KDR: variants seen among roughly 807,000 people sequenced by gnomAD.
KDR encodes the protein vascular endothelial growth factor receptor 2.
KDR carries 43 observed loss-of-function variants against 160.9 expected under a neutral mutation model. The observed-to-expected ratio is 0.27, with a 90% CI of 0.21 to 0.34. KDR has a LOEUF of 0.34. Among genes scored for constraint, KDR ranks in the 10% least tolerant of loss-of-function variants. The pLI, the probability that KDR is intolerant of heterozygous loss-of-function variation, is 1.00. For missense variants in KDR, 1,469 were observed against 1,666.4 expected, an observed-to-expected ratio of 0.88 and a Z score of 2.06; for synonymous variants, 617 against 600.1, an observed-to-expected ratio of 1.03 and a Z score of -0.41.
rs777182648 is a variant in KDR, at chr4:55,098,288, C to G, written c.2374-16G>C. On this transcript the variant is annotated splice_polypyrimidine_tract_variant and intron_variant, in intron 16 of 29. Transcript: ENST00000263923. ...CTCCATTGGCCTGGAAAGCATCAAT[C>G]CTTCCAGTCATAAACACACTGTTGT... 1.2e-6 allele frequency: 2 copies of G among 1,613,576 alleles called. No homozygotes were observed. The highest frequency in any genetic ancestry group is 1.7e-4 in the Middle Eastern group (1 of 6,054).
intron 1 of KDR, among the ~76,000 whole-genome samples, chr4:55,124,021 A>G (rs1720963971): frequency 6.6e-6 from 1 of 152,230 alleles, no homozygotes; most frequent in Non-Finnish European, 1.5e-5. Context: ...TTCTCTGCCC[A>G]GAAAGGGGGA....
chr4:55,080,579 C>G (rs531844439), intron 29 of KDR, among the ~76,000 whole-genome samples: 8 of 152,168 alleles, frequency 5.3e-5, no homozygotes, highest in Non-Finnish European at 8.8e-5. Context: ...CCTATTGTGG[C>G]AATTTGGGAA....
intron 3 of KDR, among the ~76,000 whole-genome samples, chr4:55,116,393 G>A (rs1428430034): frequency 1.3e-5 from 2 of 148,580 alleles, no homozygotes; most frequent in Non-Finnish European, 3.0e-5. Context: ...CTTTAGCCTG[G>A]GCAACAAGAG....
intron 2 of KDR, among the ~76,000 whole-genome samples, chr4:55,119,363 T>C (rs572701890): frequency 6.6e-6 from 1 of 152,352 alleles, no homozygotes; most frequent in East Asian, 1.9e-4. Context: ...ATCTACTATG[T>C]GCCAAACTTG....
intron 22 of KDR, chr4:55,092,387 C>A: frequency 1.9e-6 from 1 of 531,358 alleles, no homozygotes. Flanking sequence ...AGAAGACTGC[C>A]TCACACTTAG....
chr4:55,102,214 T>C, intron 14 of KDR, 148 bp downstream of exon 14: 2 of 1,203,500 alleles, frequency 1.7e-6, no homozygotes, highest in African/African-American at 3.0e-5. Context: ...CAGGGCCCCA[T>C]ACTCCAATTC....
intron 19 of KDR, 21 bp downstream of exon 19, chr4:55,096,208 A>C (rs1720149253): frequency 6.7e-7 from 1 of 1,497,906 alleles, no homozygotes. Context: ...TGGGTGACCA[A>C]AACCACCCAC....
Position 55,079,343 on chromosome 4 carries a change from T to C in KDR, c.*598A>G, listed in dbSNP as rs550153011. On this transcript the variant is annotated 3_prime_UTR_variant, in exon 30 of 30. Coordinates refer to ENST00000263923, the MANE Select transcript of KDR (RefSeq NM_002253.4). ...AACCAGAAACCCCGTCTGAACCCTT[T>C]ACATTTCAGAACAGACCCCATGCCC... 4.6e-5 allele frequency: 11 copies of C among 238,994 alleles called. No individual in the cohort carries two copies. Among genetic ancestry groups the C allele is most frequent in the Middle Eastern group, 1.3e-3 (1 of 788 alleles). The allele number at this position is 238,994 out of a possible 1,614,324, so 14.8% of individuals were successfully genotyped here. A position where few individuals can be genotyped will look rare whatever the true frequency, so the allele number is the denominator to read the frequency against.
Position 55,097,770 on chromosome 4 carries a change from G to T in KDR, c.2510-4C>A. 6.2e-7 allele frequency: 1 copy of T among 1,600,798 alleles called. No individual in the cohort carries two copies. The highest frequency in any genetic ancestry group is 8.6e-7 in the Non-Finnish European group (1 of 1,168,698). On this transcript the variant is annotated splice_polypyrimidine_tract_variant and splice_region_variant and intron_variant, in intron 17 of 29. Transcript: ENST00000263923. Reference sequence around the variant, plus strand: ...GCACCACGGCCAAGAGGCTTACCTAGAGTCAACAACAACAGCAACAAGAAA... The same window carrying T: ...GCACCACGGCCAAGAGGCTTACCTATAGTCAACAACAACAGCAACAAGAAA...
In KDR at chr4:55,084,642, G is replaced by A. The variant is rs563804933; in HGVS notation, c.3663-2007C>T. 7.2e-5 allele frequency among the ~76,000 whole-genome samples: 11 copies of A among 152,252 alleles called. No individual in the cohort carries two copies. The East Asian group carries it at 9.7e-4, about 13-fold the overall frequency. On this transcript the variant is annotated intron_variant, in intron 27 of 29. Coordinates refer to ENST00000263923, the MANE Select transcript of KDR (RefSeq NM_002253.4). ...TTAGGGAGAAAATGGCTAATAAAAG[G>A]TAGAACTGGGACTCAAACTTAGGCC...
chr4:55,089,590 C>T (rs942777496), intron 24 of KDR, 101 bp downstream of exon 24: 31 of 1,358,172 alleles, frequency 2.3e-5, no homozygotes, highest in South Asian at 2.4e-5. Context: ...TCAAAGCTTC[C>T]GAGAAGTTTT....
rs2110015080 is a variant in KDR at position 55,094,832 on chromosome 4, T to C, written c.2941A>G (p.Lys981Glu). The change falls in exon 21 of 30, where the codon AAG becomes GAG. Residue 981 changes from lysine (K) to glutamate (E), a missense_variant. Coordinates refer to ENST00000263923, the MANE Select transcript of KDR (RefSeq NM_002253.4). ...SSASSGFVEE[K>E]SLSDVEEEEA... ...TCTTCTTCTACATCACTGAGGGACT[T>C]CTCCTCCACAAATCCAGAGCTGGCT... 6 of 1,613,942 alleles carry C rather than the reference T, an allele frequency of 3.7e-6. No homozygotes were observed. The highest frequency in any genetic ancestry group is 5.1e-6 in the Non-Finnish European group (6 of 1,179,898).
In KDR at chr4:55,094,854, G is replaced by A. The variant is rs181661220; in HGVS notation, c.2919C>T (p.Ala973=). 2 of 1,613,572 alleles carry A rather than the reference G, an allele frequency of 1.2e-6. No homozygotes were observed. Among genetic ancestry groups the A allele is most frequent in the East Asian group, 4.5e-5 (2 of 44,852 alleles). Residue 973 remains alanine, a synonymous_variant, in exon 21 of 30, where the codon GCC becomes GCT. Coordinates refer to ENST00000263923, the MANE Select transcript of KDR (RefSeq NM_002253.4). The part of the protein sequence containing the change: ...LDSITSSQSS[A]SSGFVEEKSL... ...ACTTCTCCTCCACAAATCCAGAGCT[G>A]GCTGAGCTCTGGCTACTGGTGATGC...
intron 9 of KDR, among the ~76,000 whole-genome samples, chr4:55,109,382 C>T (rs758531377): frequency 6.6e-6 from 1 of 152,078 alleles, no homozygotes. Context: ...GGCACCCAGC[C>T]TATCTTTAAA....
At chr4:55,100,747 G>T (rs575999794) in intron 15 of KDR, among the ~76,000 whole-genome samples, 1 of 152,158 alleles carries the variant, frequency 6.6e-6, no homozygotes, top group South Asian at 2.1e-4. Flanking sequence ...TCATAGATTT[G>T]GCAGAGTAAA....
chr4:55,108,471 A>G (rs952401589), intron 9 of KDR, among the ~76,000 whole-genome samples: 1 of 152,056 alleles, frequency 6.6e-6, no homozygotes, highest in Admixed American at 6.6e-5. Flanking sequence ...AATCCTCACA[A>G]CCACTATTAC....
Position 55,121,080 on chromosome 4 carries a change from C to A in KDR, c.161+17G>T. On this transcript the variant is annotated intron_variant, in intron 2 of 29. Coordinates refer to ENST00000263923, the MANE Select transcript of KDR (RefSeq NM_002253.4). ...GTTACTTAACACAAGAAATCTAGAT[C>A]TAGAATGAATCCTTACCTGCAAGTA... is the stretch of plus-strand genomic sequence containing the variant. 2 of 1,537,024 alleles carry A rather than the reference C, an allele frequency of 1.3e-6. No individual in the cohort carries two copies. Among genetic ancestry groups the A allele is most frequent in the Non-Finnish European group, 1.8e-6 (2 of 1,110,306 alleles).
At chr4:55,113,906 G>A (rs968772384) in intron 6 of KDR, among the ~76,000 whole-genome samples, 2 of 152,186 alleles carry the variant, frequency 1.3e-5, no homozygotes, top group African/African-American at 4.8e-5. Flanking sequence ...TTGCAGAATA[G>A]GACAAAATTC....
At chr4:55,121,276 A>G (rs1720867196) in intron 1 of KDR, 86 bp from the exon 2 acceptor site, 1 of 899,488 alleles carries the variant, frequency 1.1e-6, no homozygotes, top group African/African-American at 1.6e-5. Context: ...CATACTCTAT[A>G]CTTTAAAAGG....
Sources: gnomAD v4.1 joint callset for allele counts (sites outside exome capture counted in the v4.1 genomes callset) on GRCh38, gnomAD v4.1.1 for gene constraint, MANE v1.5 for transcripts, NCBI Gene and HGNC (gene_info 2026-07-23, HGNC 2026-07-21) for gene names.